RSKR: variants seen among roughly 807,000 people sequenced by gnomAD.
RSKR encodes ribosomal protein S6 kinase-related protein.
Under a neutral mutation model 56.8 loss-of-function variants are expected in RSKR, and 44 were observed. The observed-to-expected ratio is 0.77, with a 90% CI of 0.61 to 1.00. RSKR has a LOEUF of 1.00. Among genes scored for constraint, RSKR ranks in the 50% least tolerant of loss-of-function variants. The pLI, the probability that RSKR is intolerant of heterozygous loss-of-function variation, is 0.00. For missense variants in RSKR, 510 were observed against 506.9 expected (o/e 1.01, Z -0.06); for synonymous variants, 181 against 188.0 (o/e 0.96, Z 0.30).
rs1163129561 is a variant in RSKR at position 28,610,645 on chromosome 17, G to A, written c.1066C>T (p.His356Tyr). 1 of 1,536,096 alleles carries A rather than the reference G, an allele frequency of 6.5e-7. No individual in the cohort carries two copies. The highest frequency in any genetic ancestry group is 8.7e-7 in the Non-Finnish European group (1 of 1,146,898). ...AAGGCCACACCCCGAAAGAAAGGGT[G>A]GACCTGGAAGTGATGCAGATAACGT... The part of the protein sequence containing the change: ...RLRYLHHFQV[H>Y]PFFRGVAFDP... The change falls in exon 12 of 12, where the codon CAC becomes TAC. Residue 356 changes from histidine to tyrosine, a missense_variant. Coordinates refer to ENST00000301037, the MANE Select transcript of RSKR (RefSeq NM_001174103.2).
Position 28,610,411 on chromosome 17 carries a change from C to A in RSKR, c.*67G>T. On this transcript the variant is annotated 3_prime_UTR_variant, in exon 12 of 12. Coordinates refer to ENST00000301037, the MANE Select transcript of RSKR (RefSeq NM_001174103.2). ...AAACAAACTGGATTATCAAGGTGGT[C>A]ATACTGAGTAGGCAGGGATGGAGAT... 2 of 1,350,238 alleles carry A rather than the reference C, an allele frequency of 1.5e-6. No individual in the cohort carries two copies. The highest frequency in any genetic ancestry group is 1.4e-5 in the African/African-American group (1 of 69,004). 83.6% of individuals were successfully genotyped at this position (1,350,238 alleles called of 1,614,324 possible).
In RSKR at chr17:28,610,232, A is replaced by G; in HGVS notation, c.*246T>C. On this transcript the variant is annotated 3_prime_UTR_variant, in exon 12 of 12. Transcript: ENST00000301037. Reference sequence around the variant, plus strand: ...GCACTGGAGAAGTAAAGAAAAGGAAAAGGTCACCACCCTGATCTGACATGT... The same window carrying G: ...GCACTGGAGAAGTAAAGAAAAGGAAGAGGTCACCACCCTGATCTGACATGT... 4.1e-6 allele frequency: 2 copies of G among 485,496 alleles called. No homozygotes were observed. Among genetic ancestry groups the G allele is most frequent in the South Asian group, 5.8e-5 (2 of 34,444 alleles). The allele number at this position is 485,496 out of a possible 1,614,324, so 30.1% of individuals were successfully genotyped here. A position where few individuals can be genotyped will look rare whatever the true frequency, so the allele number is the denominator to read the frequency against.
At chr17:28,612,564 T>G in intron 5 of RSKR, 54 bp downstream of exon 5, 1 of 1,576,996 alleles carries the variant, frequency 6.3e-7, no homozygotes, top group Non-Finnish European at 8.7e-7. Context: ...TAATCTCAGG[T>G]GGGGAACATG....
At chr17:28,610,798 G>A in intron 11 of RSKR, 99 bp from the exon 12 acceptor site, 1 of 1,174,826 alleles carries the variant, frequency 8.5e-7, no homozygotes, top group Middle Eastern at 2.5e-4. Flanking sequence ...GCTGTGGAGG[G>A]TAGGAATAAG....
Position 28,610,632 on chromosome 17 carries a change from C to G in RSKR, c.1079G>C (p.Arg360Pro). The G allele has an allele frequency of 6.5e-7, 1 of 1,535,942 alleles. No homozygotes were observed. The highest frequency in any genetic ancestry group is 1.7e-4 in the Middle Eastern group (1 of 5,986). ...GAGCTCTGGGTCGAAGGCCACACCC[C>G]GAAAGAAAGGGTGGACCTGGAAGTG... is the stretch of plus-strand genomic sequence containing the variant. ...LHHFQVHPFF[R>P]GVAFDPELLQ... Residue 360 changes from arginine to proline, a missense_variant, in exon 12 of 12, where the codon CGG (arginine) becomes CCG (proline). By Grantham distance (103) the Arg-to-Pro change is moderately radical. Transcript: ENST00000301037.
Position 28,610,244 on chromosome 17 carries a change from C to T in RSKR, c.*234G>A. 1.5e-5 allele frequency: 8 copies of T among 525,908 alleles called. No homozygotes were observed. Among genetic ancestry groups the T allele is most frequent in the South Asian group, 5.0e-5 (2 of 40,292 alleles). The allele number at this position is 525,908 out of a possible 1,614,324, so 32.6% of individuals were successfully genotyped here. A position where few individuals can be genotyped will look rare whatever the true frequency, so the allele number is the denominator to read the frequency against. On this transcript the variant is annotated 3_prime_UTR_variant, in exon 12 of 12. Coordinates refer to ENST00000301037, the MANE Select transcript of RSKR (RefSeq NM_001174103.2). ...TAAAGAAAAGGAAAAGGTCACCACC[C>T]TGATCTGACATGTTGAATTGAGAGG... is the stretch of plus-strand genomic sequence containing the variant.
Position 28,613,248 on chromosome 17 carries a change from A to G in RSKR, c.408+14T>C. On this transcript the variant is annotated intron_variant, in intron 3 of 11. Coordinates refer to ENST00000301037, the MANE Select transcript of RSKR (RefSeq NM_001174103.2). ...GATTGGAAACAGAGACTAATGTGGT[A>G]TCTACGCCCCTACCTTCACTGCAAA... 6.2e-7 allele frequency: 1 copy of G among 1,614,124 alleles called. No homozygotes were observed. The highest frequency in any genetic ancestry group is 8.5e-7 in the Non-Finnish European group (1 of 1,179,996).
Position 28,611,401 on chromosome 17 carries a change from T to G in RSKR, c.892A>C (p.Thr298Pro), listed in dbSNP as rs559194364. The change falls in exon 10 of 12, where the codon ACT (threonine) becomes CCT (proline). Residue 298 changes from threonine to proline, a missense_variant. Thr to Pro is a conservative substitution (Grantham distance 38, BLOSUM62 -1). Transcript: ENST00000301037. ...SLGVLLFSLA[T>P]GKFPVAAERD... Reference sequence around the variant, plus strand: ...TACTACTATTCTCTCACCTTTCCAGTCGCCAGAGAGAAAAGCAAGACACCC... The same window carrying G: ...TACTACTATTCTCTCACCTTTCCAGGCGCCAGAGAGAAAAGCAAGACACCC... The G allele has an allele frequency of 1.0e-5, 16 of 1,588,730 alleles. No individual in the cohort carries two copies. Among genetic ancestry groups the G allele is most frequent in the Non-Finnish European group, 1.4e-5 (16 of 1,173,454 alleles).
At chr17:28,611,853 T>C (rs925536609) in intron 7 of RSKR, 58 bp from the exon 8 acceptor site, 23 of 1,613,572 alleles carry the variant, frequency 1.4e-5, no homozygotes, top group Non-Finnish European at 1.9e-5. Flanking sequence ...TCTTTCATCA[T>C]GTATACACCC....
intron 7 of RSKR, 88 bp from the exon 8 acceptor site, chr17:28,611,883 A>C (rs2070820465): frequency 1.2e-6 from 2 of 1,611,886 alleles, no homozygotes; most frequent in Non-Finnish European, 1.7e-6. Flanking sequence ...GTGATGCCCT[A>C]CTCAGCACTC....
Position 28,609,748 on chromosome 17 carries a change from A to G in RSKR, c.*730T>C, listed in dbSNP as rs1000450802. On this transcript the variant is annotated 3_prime_UTR_variant, in exon 12 of 12. Transcript: ENST00000301037. ...AGTGAGACCCTATCTCAAAAAAAAA[A>G]AAAAAAAAAAAAAAAAAGGGTCTGG... 2 of 149,758 alleles carry G rather than the reference A, an allele frequency of 1.3e-5. No homozygotes were observed. The highest frequency in any genetic ancestry group is 3.9e-4 in the East Asian group (2 of 5,130). The allele number at this position is 149,758 out of a possible 1,614,324, so 9.3% of individuals were successfully genotyped here.
intron 1 of RSKR, 52 bp downstream of exon 1, chr17:28,614,035 C>G: frequency 6.3e-7 from 1 of 1,594,374 alleles, no homozygotes; most frequent in Non-Finnish European, 8.6e-7. Flanking sequence ...AGGACTCAAG[C>G]CCATGTCTCC....
Position 28,613,549 on chromosome 17 carries a change from G to A in RSKR, c.215C>T (p.Ala72Val). 4 of 1,614,200 alleles carry A rather than the reference G, an allele frequency of 2.5e-6. No individual in the cohort carries two copies. Among genetic ancestry groups the A allele is most frequent in the Non-Finnish European group, 3.4e-6 (4 of 1,180,030 alleles). The change falls in exon 2 of 12, where the codon GCC (alanine) becomes GTC (valine). Residue 72 changes from alanine (A) to valine (V), a missense_variant. Ala to Val is a moderately conservative substitution (Grantham distance 64). Transcript: ENST00000301037. Reference protein sequence around the residue: ...HYLHQESLKPAPVLVEKPLPE... With the variant: ...HYLHQESLKPVPVLVEKPLPE... Reference sequence around the variant, plus strand: ...CAGAGGCTTCTCTACCAGTACTGGGGCTGGCTTTAGGGATTCCTGGTGCAG... The same window carrying A: ...CAGAGGCTTCTCTACCAGTACTGGGACTGGCTTTAGGGATTCCTGGTGCAG...
Position 28,609,391 on chromosome 17 carries a change from G to C in RSKR, c.*1087C>G, listed in dbSNP as rs2070782682. The C allele has an allele frequency of 6.6e-6, 1 of 151,946 alleles. No individual in the cohort carries two copies. Among genetic ancestry groups the C allele is most frequent in the African/African-American group, 2.4e-5 (1 of 41,356 alleles). 9.4% of individuals were successfully genotyped at this position (151,946 alleles called of 1,614,324 possible). A position where few individuals can be genotyped will look rare whatever the true frequency, so the allele number is the denominator to read the frequency against. On this transcript the variant is annotated 3_prime_UTR_variant, in exon 12 of 12. Coordinates refer to ENST00000301037, the MANE Select transcript of RSKR (RefSeq NM_001174103.2). ...AATCATGGGCTCACTAGGAGAAATT[G>C]TCAGTTTAAAAATCCTATGCTTTTC...
At position 28,611,448 on chromosome 17, in the gene RSKR, T is replaced by C. The variant is rs1246402155; in HGVS notation, c.845A>G (p.His282Arg). ...ACCCAGGGACCACCAATCAGCAGCA[T>C]GGTTGTAAGGTCCTCCACTTAGGAC... ...PEVLSGGPYN[H>R]AADWWSLGVL... The change falls in exon 10 of 12, where the codon CAT becomes CGT. Residue 282 changes from histidine (H) to arginine (R), a missense_variant. Transcript: ENST00000301037. 6 of 1,606,776 alleles carry C rather than the reference T, an allele frequency of 3.7e-6. No individual in the cohort carries two copies. The highest frequency in any genetic ancestry group is 4.5e-5 in the East Asian group (2 of 44,890).
chr17:28,613,074 A>C lies in RSKR; in HGVS notation c.477+4T>G. On this transcript the variant is annotated splice_donor_region_variant and intron_variant, in intron 4 of 11. Coordinates refer to ENST00000301037, the MANE Select transcript of RSKR (RefSeq NM_001174103.2). ...CACAATCCTTTCCAGGACTCTGTGC[A>C]TACCTGGATGCTAACCTCCTCTTTG... The C allele has an allele frequency of 6.2e-7, 1 of 1,614,112 alleles. No individual in the cohort carries two copies. Among genetic ancestry groups the C allele is most frequent in the Non-Finnish European group, 8.5e-7 (1 of 1,180,018 alleles).
Position 28,611,174 on chromosome 17 carries a change from A to AG in RSKR, c.979dup (p.Leu327ProfsTer2). 1 of 1,536,316 alleles carries AG rather than the reference A, an allele frequency of 6.5e-7. No individual in the cohort carries two copies. Among genetic ancestry groups the AG allele is most frequent in the Non-Finnish European group, 8.7e-7 (1 of 1,146,882 alleles). On this transcript the variant is annotated frameshift_variant, in exon 11 of 12. Coordinates refer to ENST00000301037, the MANE Select transcript of RSKR (RefSeq NM_001174103.2). LOFTEE classifies it high-confidence loss of function. ...GAGCAGGAGTGAGAGGCCCTGGTTA[A>AG]GAGAAGCTGGGATCTCAGAGTCACT...
At chr17:28,612,777 AG>A in intron 4 of RSKR, 90 bp from the exon 5 acceptor site, 2 of 1,236,290 alleles carry the variant, frequency 1.6e-6, no homozygotes, top group Admixed American at 3.6e-5. Flanking sequence ...AGATGTGCAG[AG>A]GGGGAACTGC....
chr17:28,610,210 C>CGG lies in RSKR; in HGVS notation c.*267_*268insCC. 1 of 432,898 alleles carries CGG rather than the reference C, an allele frequency of 2.3e-6. No homozygotes were observed. The highest frequency in any genetic ancestry group is 4.2e-6 in the Non-Finnish European group (1 of 237,674). 26.8% of individuals were successfully genotyped at this position (432,898 alleles called of 1,614,324 possible). A position where few individuals can be genotyped will look rare whatever the true frequency, so the allele number is the denominator to read the frequency against. On this transcript the variant is annotated 3_prime_UTR_variant, in exon 12 of 12. Transcript: ENST00000301037. ...GCTGACAGCCTGAGGGTAAAGAGCA[C>CGG]TGGAGAAGTAAAGAAAAGGAAAAGG...
Sources: allele counts gnomAD v4.1 joint callset, GRCh38; gene constraint gnomAD v4.1.1; transcripts MANE v1.5; gene names NCBI Gene and HGNC (gene_info 2026-07-23, HGNC 2026-07-21).